The following SMAD3 variants were observed in gnomAD, a reference collection of about 807,000 sequenced individuals.
The protein encoded by SMAD3 is SMAD family member 3, also known as MAD homolog 3.
Under a neutral mutation model 51.8 loss-of-function variants are expected in SMAD3, and 12 were observed. The observed-to-expected ratio is 0.23, with a 90% CI of 0.15 to 0.38. The LOEUF is 0.38. SMAD3 is among the 10% of genes least tolerant of loss of function. The probability of loss-of-function intolerance (pLI) is 1.00; values close to 1 mark genes in which losing one functional copy is unlikely to be tolerated. For missense variants in SMAD3, 294 were observed against 565.6 expected (o/e 0.52, Z 4.87); for synonymous variants, 238 against 227.7 (o/e 1.05, Z -0.41).
intron 1 of SMAD3, among the ~76,000 whole-genome samples, chr15:67,076,569 AG>A (rs1960174587): frequency 6.6e-6 from 1 of 152,216 alleles, no homozygotes; most frequent in Non-Finnish European, 1.5e-5. Context: ...GAAATGACCC[AG>A]ACGTGGTGGC....
intron 5 of SMAD3, 82 bp downstream of exon 5, chr15:67,170,686 A>T: frequency 8.1e-7 from 1 of 1,237,290 alleles, no homozygotes; most frequent in Non-Finnish European, 1.2e-6. Context: ...GGGGGCCCTG[A>T]AGGTAAGGCT....
At chr15:67,148,939 T>A (rs1020861143) in intron 1 of SMAD3, among the ~76,000 whole-genome samples, 1 of 152,136 alleles carries the variant, frequency 6.6e-6, no homozygotes, top group Non-Finnish European at 1.5e-5. Flanking sequence ...CTCAAGGAGC[T>A]CCTGGCACAG....
At chr15:67,143,821 G>A (rs143027898) in intron 1 of SMAD3, among the ~76,000 whole-genome samples, 30 of 151,042 alleles carry the variant, frequency 2.0e-4, no homozygotes, top group African/African-American at 6.8e-4. Flanking sequence ...GGCTCCTGCC[G>A]CCACACACAG....
At chr15:67,128,953 C>T (rs1272520618) in intron 1 of SMAD3, among the ~76,000 whole-genome samples, 2 of 152,226 alleles carry the variant, frequency 1.3e-5, no homozygotes, top group Middle Eastern at 3.4e-3. Context: ...GTGTTGAGTG[C>T]GTGGTGGATG....
intron 1 of SMAD3, among the ~76,000 whole-genome samples, chr15:67,089,675 G>T (rs532515532): frequency 6.6e-6 from 1 of 152,178 alleles, no homozygotes; most frequent in Non-Finnish European, 1.5e-5. Flanking sequence ...TTTTCCAACT[G>T]ATGTCACTGG....
intron 4 of SMAD3, among the ~76,000 whole-genome samples, chr15:67,168,686 G>C (rs769405785): frequency 6.6e-6 from 1 of 152,082 alleles, no homozygotes; most frequent in Non-Finnish European, 1.5e-5. Context: ...CCTTTACTCT[G>C]TCCCCTCTCC....
intron 1 of SMAD3, among the ~76,000 whole-genome samples, chr15:67,105,366 C>T (rs1039664740): frequency 6.6e-6 from 1 of 152,166 alleles, no homozygotes; most frequent in Admixed American, 6.5e-5. Context: ...CGCACCTCCA[C>T]GGCCACAGTG....
chr15:67,141,133 G>A (rs1035704084), intron 1 of SMAD3, among the ~76,000 whole-genome samples: 24 of 152,284 alleles, frequency 1.6e-4, no homozygotes, highest in East Asian at 5.8e-4. Flanking sequence ...TCCCAATTCC[G>A]GCAACGGGAA....
chr15:67,194,140 G>C lies in SMAD3; in HGVS notation c.*3604G>C, dbSNP rs1963441355. On this transcript the variant is annotated 3_prime_UTR_variant, in exon 9 of 9. Transcript: ENST00000327367. ...CTGTGTGACTTGGCTAGAGTTGGGA[G>C]TTCCCCCAAAATAAACGTGTCCCCA... 1 of 233,400 alleles carries C rather than the reference G, an allele frequency of 4.3e-6. No homozygotes were observed. Among genetic ancestry groups the C allele is most frequent in the Admixed American group, 5.6e-5 (1 of 17,784 alleles). 14.5% of individuals were successfully genotyped at this position (233,400 alleles called of 1,614,324 possible). A position where few individuals can be genotyped will look rare whatever the true frequency, so the allele number is the denominator to read the frequency against.
At chr15:67,112,854 C>A (rs1961047843) in intron 1 of SMAD3, among the ~76,000 whole-genome samples, 1 of 130,640 alleles carries the variant, frequency 7.7e-6, no homozygotes, top group Non-Finnish European at 1.6e-5. Context: ...CATTCTTTTG[C>A]ATGTGAATAT....
At chr15:67,142,130 C>G (rs944088223) in intron 1 of SMAD3, among the ~76,000 whole-genome samples, 1 of 151,800 alleles carries the variant, frequency 6.6e-6, no homozygotes, top group African/African-American at 2.4e-5. Flanking sequence ...CTCTTTTACC[C>G]CCTTTCCTAA....
chr15:67,102,267 T>TGC (rs1555407507), intron 1 of SMAD3, among the ~76,000 whole-genome samples: 4 of 131,962 alleles, frequency 3.0e-5, no homozygotes, highest in African/African-American at 5.6e-5. Flanking sequence ...TGTGTGTGTG[T>TGC]GCGGTGTGTG....
At chr15:67,077,002 C>T (rs1300025867) in intron 1 of SMAD3, among the ~76,000 whole-genome samples, 1 of 152,126 alleles carries the variant, frequency 6.6e-6, no homozygotes, top group African/African-American at 2.4e-5. Flanking sequence ...TAGGGGTGGG[C>T]TGAGATCTTG....
At chr15:67,077,752 G>A (rs1436999325) in intron 1 of SMAD3, among the ~76,000 whole-genome samples, 1 of 152,188 alleles carries the variant, frequency 6.6e-6, no homozygotes, top group Non-Finnish European at 1.5e-5. Flanking sequence ...AGGCAGCACA[G>A]AGCACAGACC....
At chr15:67,093,739 C>G (rs1449110422) in intron 1 of SMAD3, among the ~76,000 whole-genome samples, 1 of 152,200 alleles carries the variant, frequency 6.6e-6, no homozygotes, top group Non-Finnish European at 1.5e-5. Context: ...TGTTGGCATG[C>G]GAGGTAGCAC....
intron 1 of SMAD3, among the ~76,000 whole-genome samples, chr15:67,126,245 T>C (rs1158311505): frequency 6.6e-6 from 1 of 152,164 alleles, no homozygotes; most frequent in Non-Finnish European, 1.5e-5. Flanking sequence ...GGTGTTAGGA[T>C]GCTCTGTTTA....
chr15:67,142,782 G>A (rs956787934), intron 1 of SMAD3: 5 of 431,860 alleles, frequency 1.2e-5, no homozygotes, highest in Non-Finnish European at 1.9e-5. Flanking sequence ...GGAGAAAAGA[G>A]CTTGTGAAAT....
chr15:67,180,055 G>A (rs1321221376), intron 5 of SMAD3, among the ~76,000 whole-genome samples: 1 of 152,166 alleles, frequency 6.6e-6, no homozygotes, highest in African/African-American at 2.4e-5. Context: ...AGAATGAGCA[G>A]GGGACTCCCT....
intron 1 of SMAD3, among the ~76,000 whole-genome samples, chr15:67,139,956 TA>T (rs11299358): frequency 0.081 from 12,241 of 150,658 alleles, 676 homozygotes; most frequent in East Asian, 0.26. Flanking sequence ...CCGTCTCTAC[TA>T]AAAAAAAATA....
Sources: allele counts gnomAD v4.1 joint callset (sites outside exome capture counted in the v4.1 genomes callset), GRCh38; gene constraint gnomAD v4.1.1; transcripts MANE v1.5; gene names NCBI Gene and HGNC (gene_info 2026-07-23, HGNC 2026-07-21).